GRSF1: variants seen among roughly 807,000 people sequenced by gnomAD.
GRSF1 encodes the protein G-rich sequence factor 1.
In GRSF1, 50 loss-of-function variants were observed where a neutral mutation model predicts 51.1. The ratio of observed to expected loss-of-function variants is 0.98; its 90% CI spans 0.78 to 1.24. The LOEUF (loss-of-function observed/expected upper bound fraction) is 1.24, where lower values mean the gene tolerates loss of function less well. Ranked by LOEUF, GRSF1 falls within the 50% of genes most tolerant of loss-of-function variation. GRSF1 has a pLI of 0.00. For synonymous variants in GRSF1, 293 were observed against 253.3 expected (o/e 1.16, Z -1.49); for missense variants, 700 against 639.7 (o/e 1.09, Z -1.02).
rs1380316851 is a variant in GRSF1, at chr4:70,817,996, C to G, written c.*2891G>C. 2 of 152,166 alleles carry G rather than the reference C, an allele frequency of 1.3e-5. No homozygotes were observed. Among genetic ancestry groups the G allele is most frequent in the East Asian group, 1.9e-4 (1 of 5,190 alleles). 9.4% of individuals were successfully genotyped at this position (152,166 alleles called of 1,614,324 possible). A position where few individuals can be genotyped will look rare whatever the true frequency, so the allele number is the denominator to read the frequency against. On this transcript the variant is annotated 3_prime_UTR_variant, in exon 10 of 10. Transcript: ENST00000254799. ...CCTACCAATTCAATGTGAGTGTCTTCCGATAATTTAGGGGAAACTCTCAGA... is the reference window on the plus strand; with the variant it reads ...CCTACCAATTCAATGTGAGTGTCTTGCGATAATTTAGGGGAAACTCTCAGA...
At chr4:70,840,062 G>T (rs1233229946), upstream of GRSF1, 1 of 423,960 alleles carries the variant, frequency 2.4e-6, no homozygotes, top group Admixed American at 4.7e-5. Context: ...GGTTTGGGCG[G>T]GGCTGCCCAT....
At chr4:70,831,798 G>T in intron 4 of GRSF1, 124 bp from the exon 5 acceptor site, 2 of 687,890 alleles carry the variant, frequency 2.9e-6, no homozygotes, top group Non-Finnish European at 4.6e-6. Context: ...ATACATGCTT[G>T]ACAGGAAGAA....
At chr4:70,834,778 C>A (rs6854557) in intron 2 of GRSF1, among the ~76,000 whole-genome samples, 2 of 152,046 alleles carry the variant, frequency 1.3e-5, no homozygotes, top group Admixed American at 1.3e-4. Context: ...CGTGCCACCA[C>A]GCCCGGCTAA....
chr4:70,822,264 C>T (rs1733545426), intron 9 of GRSF1, among the ~76,000 whole-genome samples: 1 of 152,012 alleles, frequency 6.6e-6, no homozygotes, highest in South Asian at 2.1e-4. Flanking sequence ...TCTGGTTTCA[C>T]ATGGTATCCT....
At chr4:70,826,566 G>A (rs116254206) in intron 6 of GRSF1, among the ~76,000 whole-genome samples, 1,802 of 151,568 alleles carry the variant, frequency 0.012, 36 homozygotes, top group African/African-American at 0.04. Flanking sequence ...AAGGCTGGGC[G>A]TGGTAGCTCA....
intron 9 of GRSF1, among the ~76,000 whole-genome samples, chr4:70,822,329 T>TC (rs1733549176): frequency 1.3e-5 from 2 of 152,130 alleles, no homozygotes; most frequent in African/African-American, 4.8e-5. Flanking sequence ...ACACCTGTAA[T>TC]CCCAGCACTT....
At chr4:70,839,358 G>T (rs1035354028) in intron 1 of GRSF1, 113 bp downstream of exon 1, 2 of 1,505,132 alleles carry the variant, frequency 1.3e-6, no homozygotes, top group Admixed American at 2.0e-5. Context: ...GGCGAGTGTC[G>T]CGGATCCCCG....
intron 5 of GRSF1, among the ~76,000 whole-genome samples, chr4:70,830,031 T>A (rs1471884261): frequency 6.6e-6 from 1 of 152,212 alleles, no homozygotes. Context: ...CCTGAGGTGA[T>A]GTCAACATGA....
At chr4:70,825,254 C>G (rs1342409367) in intron 8 of GRSF1, 42 bp downstream of exon 8, 1 of 1,519,312 alleles carries the variant, frequency 6.6e-7, no homozygotes, top group Non-Finnish European at 9.0e-7. Context: ...TAAGCAAAGA[C>G]AAGCATCAAA....
Position 70,825,343 on chromosome 4 carries a change from G to A in GRSF1, c.1346C>T (p.Thr449Ile), listed in dbSNP as rs766585930. The change falls in exon 8 of 10, where the codon ACC becomes ATC. Residue 449 changes from threonine to isoleucine, a missense_variant. Thr to Ile is a moderately conservative substitution (Grantham distance 89). Transcript: ENST00000254799. ...ATGEADVHFETHEDAVAAMLK... is the reference protein window; with the variant it reads ...ATGEADVHFEIHEDAVAAMLK... ...CATCGCTGCAACAGCATCCTCATGG[G>A]TCTCAAAGTGCACATCAGCTTCTCC... 4.3e-6 allele frequency: 7 copies of A among 1,611,538 alleles called. No homozygotes were observed. The African/African-American group carries it at 9.4e-5, about 22-fold the overall frequency.
upstream of GRSF1, among the ~76,000 whole-genome samples, chr4:70,842,755 A>G (rs1734483249): frequency 6.6e-6 from 1 of 152,292 alleles, no homozygotes; most frequent in Middle Eastern, 3.4e-3. Context: ...GTCATCATCT[A>G]TAACATAAAA....
chr4:70,818,833 TC>T lies in GRSF1; in HGVS notation c.*2053del, dbSNP rs891131218. The T allele has an allele frequency of 2.0e-5, 3 of 152,144 alleles. No individual in the cohort carries two copies. The highest frequency in any genetic ancestry group is 7.2e-5 in the African/African-American group (3 of 41,432). 9.4% of individuals were successfully genotyped at this position (152,144 alleles called of 1,614,324 possible). A position where few individuals can be genotyped will look rare whatever the true frequency, so the allele number is the denominator to read the frequency against. On this transcript the variant is annotated 3_prime_UTR_variant, in exon 10 of 10. Coordinates refer to ENST00000254799, the MANE Select transcript of GRSF1 (RefSeq NM_002092.4). ...CAGAAGGAAATTCACCATCACTGCT[TC>T]CTTCAATAGCAAAGAGTGATGCAAA...
In GRSF1 at chr4:70,817,512, A is replaced by T. The variant is rs554192822; in HGVS notation, c.*3375T>A. The T allele has an allele frequency of 1.3e-5, 2 of 152,242 alleles. No individual in the cohort carries two copies. Among genetic ancestry groups the T allele is most frequent in the South Asian group, 4.1e-4 (2 of 4,836 alleles). 9.4% of individuals were successfully genotyped at this position (152,242 alleles called of 1,614,324 possible). On this transcript the variant is annotated 3_prime_UTR_variant, in exon 10 of 10. Coordinates refer to ENST00000254799, the MANE Select transcript of GRSF1 (RefSeq NM_002092.4). ...ACACCTCACCAATGATGATATAAGG[A>T]TGGCAGATTAAGTATATGAAAAGGT...
At chr4:70,827,805 A>G in intron 6 of GRSF1, 47 bp downstream of exon 6, 1 of 1,384,144 alleles carries the variant, frequency 7.2e-7, no homozygotes, top group Non-Finnish European at 1.0e-6. Flanking sequence ...AAAACCCAAA[A>G]CATTCAAGAT....
intron 1 of GRSF1, chr4:70,838,923 C>G (rs1283651177): frequency 2.1e-5 from 7 of 340,582 alleles, no homozygotes; most frequent in Non-Finnish European, 3.4e-5. Context: ...GACAGCTCGT[C>G]TTTCCCTGGG....
In GRSF1 at chr4:70,816,984, GT is replaced by G. The variant is rs1368704499; in HGVS notation, c.*3902del. On this transcript the variant is annotated 3_prime_UTR_variant, in exon 10 of 10. Transcript: ENST00000254799. Reference sequence around the variant, plus strand: ...GAAAAGCCAAAATACAAAATAGCATGTACAGTATAATTTATATTTTTAAAAG... The same window carrying G: ...GAAAAGCCAAAATACAAAATAGCATGACAGTATAATTTATATTTTTAAAAG... The G allele has an allele frequency of 1.3e-5, 2 of 152,034 alleles. No homozygotes were observed. The highest frequency in any genetic ancestry group is 2.9e-5 in the Non-Finnish European group (2 of 68,006). The allele number at this position is 152,034 out of a possible 1,614,324, so 9.4% of individuals were successfully genotyped here.
chr4:70,839,035 G>C (rs1578312191), intron 1 of GRSF1: 2 of 895,452 alleles, frequency 2.2e-6, no homozygotes, highest in East Asian at 1.3e-4. Flanking sequence ...ACCGAGAGGC[G>C]CCGAGGGCCG....
In GRSF1 at chr4:70,839,476, T is replaced by G; in HGVS notation, c.352A>C (p.Ser118Arg). The change falls in exon 1 of 10, where the codon AGC becomes CGC. Residue 118 changes from serine (S) to arginine (R), a missense_variant. Ser to Arg is a moderately radical substitution (Grantham distance 110). Transcript: ENST00000254799. ...AAAAVPTRSY[S>R]QESKTTYLED... ...CCCTCACGGCGCCCACGTACCTGGC[T>G]GTAGCTGCGCGTCGGGACGGCGGCC... is the stretch of plus-strand genomic sequence containing the variant. 1 of 1,437,340 alleles carries G rather than the reference T, an allele frequency of 7.0e-7. No homozygotes were observed. The highest frequency in any genetic ancestry group is 1.5e-5 in the African/African-American group (1 of 66,410). 89.0% of individuals were successfully genotyped at this position (1,437,340 alleles called of 1,614,324 possible). A position where few individuals can be genotyped will look rare whatever the true frequency, so the allele number is the denominator to read the frequency against.
At chr4:70,827,745 C>T in intron 6 of GRSF1, 107 bp downstream of exon 6, 6 of 777,676 alleles carry the variant, frequency 7.7e-6, no homozygotes, top group Non-Finnish European at 1.1e-5. Context: ...CACCACTGCA[C>T]TCCAGCCTGG....
Sources: gnomAD v4.1 joint callset for allele counts (sites outside exome capture counted in the v4.1 genomes callset) on GRCh38, gnomAD v4.1.1 for gene constraint, MANE v1.5 for transcripts, NCBI Gene and HGNC (gene_info 2026-07-23, HGNC 2026-07-21) for gene names.